DRAM1: variants seen among roughly 807,000 people sequenced by gnomAD.
DRAM1 encodes DNA damage-regulated autophagy modulator protein 1.
DRAM1 carries 25 observed loss-of-function variants against 28.5 expected under a neutral mutation model. The ratio of observed to expected loss-of-function variants is 0.88; its 90% confidence interval spans 0.64 to 1.23. DRAM1 has a LOEUF of 1.23. Ranked by LOEUF, DRAM1 falls within the 50% of genes most tolerant of loss-of-function variation. The pLI, the probability that DRAM1 is intolerant of heterozygous loss-of-function variation, is 0.00. For synonymous variants in DRAM1, 113 were observed against 114.2 expected, an observed-to-expected ratio of 0.99 and a Z score of 0.07; for missense variants, 249 against 299.2, an observed-to-expected ratio of 0.83 and a Z score of 1.24.
Position 101,877,887 on chromosome 12 carries a change from C to T in DRAM1, c.98C>T (p.Ser33Phe). 1 of 1,543,984 alleles carries T rather than the reference C, an allele frequency of 6.5e-7. No individual in the cohort carries two copies. The highest frequency in any genetic ancestry group is 8.8e-7 in the Non-Finnish European group (1 of 1,142,544). ...FIISYVVAVL[S>F]GHVNPFLPYI... ...ATCTCCTACGTGGTCGCCGTGCTCT[C>T]CGGGCACGTCAACCCCTTCCTCCCG... Residue 33 changes from serine to phenylalanine, a missense_variant, in exon 1 of 7, where the codon TCC (serine) becomes TTC (phenylalanine). Ser to Phe is a radical substitution (Grantham distance 155). Coordinates refer to ENST00000258534, the MANE Select transcript of DRAM1 (RefSeq NM_018370.3). This position sits in a 1 kb window ranked among gnomAD's most constrained non-coding sequence, Gnocchi z 4.1.
intron 1 of DRAM1, among the ~76,000 whole-genome samples, chr12:101,896,948 C>T (rs1355237448): frequency 1.3e-5 from 2 of 151,506 alleles, no homozygotes; most frequent in Non-Finnish European, 1.5e-5. Flanking sequence ...CCACCATGGC[C>T]GGCTAATTTT....
In DRAM1 at chr12:101,877,853, G is replaced by A. The variant is rs1423099906; in HGVS notation, c.64G>A (p.Ala22Thr). Residue 22 changes from alanine (A) to threonine (T), a missense_variant, in exon 1 of 7, where the codon GCC becomes ACC. Transcript: ENST00000258534. This position sits in a 1 kb window ranked among gnomAD's most constrained non-coding sequence, Gnocchi z 4.1. ...PFLLVTWSSA[A>T]FIISYVVAVL... ...CCTCTTGGTGACCTGGTCGTCAGCC[G>A]CCTTCATTATCTCCTACGTGGTCGC... 4.5e-6 allele frequency: 7 copies of A among 1,547,116 alleles called. No homozygotes were observed. Among genetic ancestry groups the A allele is most frequent in the Non-Finnish European group, 6.1e-6 (7 of 1,144,738 alleles).
At position 101,878,711 on chromosome 12, in the gene DRAM1, G is replaced by A. The variant is rs17041466; in HGVS notation, c.131+791G>A. 0.019 allele frequency among the ~76,000 whole-genome samples: 2,904 copies of A among 152,266 alleles called. 223 individuals are homozygous for A. In the East Asian group the frequency reaches 0.23, roughly 12 times the overall value. On this transcript the variant is annotated intron_variant, in intron 1 of 6. Coordinates refer to ENST00000258534, the MANE Select transcript of DRAM1 (RefSeq NM_018370.3). ...CTCAGTGCCTTTCTCATAGTGGCAG[G>A]ATTCTTTAAACGTTAGAACCATCCA... is the stretch of plus-strand genomic sequence containing the variant.
In DRAM1 at chr12:101,882,107, ATTTTTTTT is replaced by A. The variant is rs78402038; in HGVS notation, c.131+4209_131+4216del. On this transcript the variant is annotated intron_variant, in intron 1 of 6. Coordinates refer to ENST00000258534, the MANE Select transcript of DRAM1 (RefSeq NM_018370.3). ...ATTGTTCAGTCATTCTGATGGTCTA[ATTTTTTTT>A]TTTTTTTTTTTTTTTTTTTTTGAGA... 9.0e-4 allele frequency among the ~76,000 whole-genome samples: 116 copies of A among 129,590 alleles called. 1 individual carries two copies. The highest frequency in any genetic ancestry group is 1.8e-3 in the African/African-American group (66 of 36,728). The allele number at this position is 129,590 out of a possible 152,430, so 85.0% of individuals were successfully genotyped here.
At chr12:101,881,963 T>C (rs1315619282) in intron 1 of DRAM1, among the ~76,000 whole-genome samples, 1 of 152,220 alleles carries the variant, frequency 6.6e-6, no homozygotes, top group African/African-American at 2.4e-5. Context: ...TCTTGGGTAC[T>C]CACTCTTTAC....
At chr12:101,892,235 A>AT (rs1262236070) in intron 1 of DRAM1, among the ~76,000 whole-genome samples, 4 of 150,326 alleles carry the variant, frequency 2.7e-5, no homozygotes, top group African/African-American at 9.8e-5. Flanking sequence ...TTTTTATTTT[A>AT]TTTTTTATTT....
intron 1 of DRAM1, among the ~76,000 whole-genome samples, chr12:101,878,660 G>T (rs151110184): frequency 1.1e-3 from 175 of 152,336 alleles, no homozygotes; most frequent in African/African-American, 3.8e-3. Context: ...AGGGACAGTG[G>T]TCTGATCCTC....
chr12:101,915,010 C>T (rs1304704941), intron 5 of DRAM1, among the ~76,000 whole-genome samples: 10 of 143,202 alleles, frequency 7.0e-5, no homozygotes, highest in Non-Finnish European at 1.2e-4. Context: ...GACAGAGTCT[C>T]GTTCTGCCGC....
At chr12:101,903,432 A>C (rs539198645) in intron 3 of DRAM1, among the ~76,000 whole-genome samples, 5 of 152,300 alleles carry the variant, frequency 3.3e-5, no homozygotes, top group Non-Finnish European at 5.9e-5. Context: ...AGCCAGTCAC[A>C]GAGGGACAAA....
chr12:101,904,277 G>A (rs1266961341), intron 3 of DRAM1, among the ~76,000 whole-genome samples: 1 of 151,364 alleles, frequency 6.6e-6, no homozygotes, highest in East Asian at 1.9e-4. Context: ...GTGAGCCATC[G>A]TGCCCAGCCT....
At chr12:101,882,835 CTTT>C (rs35171315) in intron 1 of DRAM1, among the ~76,000 whole-genome samples, 10,866 of 112,678 alleles carry the variant, frequency 0.096, 365 homozygotes, top group Middle Eastern at 0.21. Flanking sequence ...ATGCAACAGC[CTTT>C]TTTTTTTTTT....
chr12:101,913,705 CAAAAAAAAAAAAAAA>C (rs60536139), intron 4 of DRAM1, among the ~76,000 whole-genome samples: 1 of 50,184 alleles, frequency 2.0e-5, no homozygotes, highest in South Asian at 7.3e-4. Flanking sequence ...GAGTACGTCT[CAAAAAAAAAAAAAAA>C]AAAAAAAAGG....
Position 101,914,938 on chromosome 12 carries a change from G to A in DRAM1, c.579+706G>A, listed in dbSNP as rs573865757. Among the ~76,000 whole-genome samples, 9 of 150,568 alleles carry A rather than the reference G, an allele frequency of 6.0e-5. No homozygotes were observed. In the East Asian group the frequency reaches 1.4e-3, roughly 23 times the overall value. ...CTCCCAAAGTGCTGGGATTATAGGCGTGACCCACCGCACCCGTCCCTCTAA... is the reference window on the plus strand; with the variant it reads ...CTCCCAAAGTGCTGGGATTATAGGCATGACCCACCGCACCCGTCCCTCTAA... On this transcript the variant is annotated intron_variant, in intron 5 of 6. Coordinates refer to ENST00000258534, the MANE Select transcript of DRAM1 (RefSeq NM_018370.3).
chr12:101,885,981 G>A (rs1872873455), intron 1 of DRAM1, among the ~76,000 whole-genome samples: 1 of 152,140 alleles, frequency 6.6e-6, no homozygotes, highest in East Asian at 1.9e-4. Flanking sequence ...GGTAAATATT[G>A]GTTGAATGTT....
chr12:101,881,596 C>T (rs933906728), intron 1 of DRAM1, among the ~76,000 whole-genome samples: 12 of 152,300 alleles, frequency 7.9e-5, no homozygotes, highest in East Asian at 5.8e-4. Context: ...ATCAAGCACC[C>T]GTCCTTCTCA....
At chr12:101,896,457 G>A (rs931231867) in intron 1 of DRAM1, among the ~76,000 whole-genome samples, 2 of 151,942 alleles carry the variant, frequency 1.3e-5, no homozygotes, top group Non-Finnish European at 2.9e-5. Context: ...TTAAAGCTTG[G>A]CACTAATAGA....
At chr12:101,900,417 G>A (rs1210869395) in intron 2 of DRAM1, among the ~76,000 whole-genome samples, 2 of 152,148 alleles carry the variant, frequency 1.3e-5, no homozygotes, top group South Asian at 2.1e-4. Flanking sequence ...TAGCAGAGCA[G>A]AAGAAAATTT....
intron 2 of DRAM1, among the ~76,000 whole-genome samples, chr12:101,899,030 G>T (rs1335144856): frequency 6.6e-6 from 1 of 152,144 alleles, no homozygotes; most frequent in Non-Finnish European, 1.5e-5. Flanking sequence ...TCAAGTGTTT[G>T]CCAAGGGCCT....
chr12:101,896,424 G>T (rs1414141530), intron 1 of DRAM1, among the ~76,000 whole-genome samples: 4 of 152,144 alleles, frequency 2.6e-5, no homozygotes, highest in African/African-American at 9.7e-5. Context: ...GTTTTAAAGT[G>T]AGCAGCCTGA....
Sources: gnomAD v4.1 joint callset for allele counts (sites outside exome capture counted in the v4.1 genomes callset) on GRCh38, gnomAD v4.1.1 for gene constraint, Gnocchi (gnomAD v3.1) non-coding constraint, MANE v1.5 for transcripts, NCBI Gene and HGNC (gene_info 2026-07-23, HGNC 2026-07-21) for gene names.